The following ZNF391 variants were observed in gnomAD, a reference collection of about 807,000 sequenced individuals.
ZNF391 encodes zinc finger protein 391.
For synonymous variants in ZNF391, 126 were observed against 142.1 expected (o/e 0.89, Z 0.80); for missense variants, 375 against 425.5 (o/e 0.88, Z 1.04).
intron 1 of ZNF391, among the ~76,000 whole-genome samples, chr6:27,394,776 C>G (rs1761788880): frequency 6.6e-6 from 1 of 152,244 alleles, no homozygotes; most frequent in Non-Finnish European, 1.5e-5. Context: ...TGCAAAGCCA[C>G]AGAAGTGGAA....
At chr6:27,394,272 G>A (rs1201428333) in intron 1 of ZNF391, among the ~76,000 whole-genome samples, 1 of 152,230 alleles carries the variant, frequency 6.6e-6, no homozygotes, top group Non-Finnish European at 1.5e-5. Context: ...AAGGATTTCA[G>A]AGCCAGATCC....
intron 1 of ZNF391, among the ~76,000 whole-genome samples, chr6:27,381,581 A>C (rs1382909345): frequency 6.6e-6 from 1 of 152,186 alleles, no homozygotes; most frequent in Non-Finnish European, 1.5e-5. Context: ...GCCGAGAGCG[A>C]GCGAGGGCTG....
chr6:27,375,314 C>T (rs1761400010), intron 1 of ZNF391, among the ~76,000 whole-genome samples: 1 of 152,130 alleles, frequency 6.6e-6, no homozygotes, highest in Non-Finnish European at 1.5e-5. Flanking sequence ...GCGTGGCTAG[C>T]ACAGGCCTGA....
chr6:27,397,155 C>A (rs141776464), intron 1 of ZNF391, among the ~76,000 whole-genome samples: 3 of 152,198 alleles, frequency 2.0e-5, no homozygotes, highest in Admixed American at 2.0e-4. Context: ...GTTCTGCAGG[C>A]TGTGCAAGCA....
intron 1 of ZNF391, among the ~76,000 whole-genome samples, chr6:27,378,327 G>T (rs113032760): frequency 0.01 from 1,535 of 152,208 alleles, 31 homozygotes; most frequent in African/African-American, 0.035. Context: ...AATCACCTGG[G>T]TGCAGGTGGG....
Position 27,388,858 on chromosome 6 carries a change from A to T in ZNF391, c.-405A>T, listed in dbSNP as rs752915600. 5 of 453,214 alleles carry T rather than the reference A, an allele frequency of 1.1e-5. No individual in the cohort carries two copies. In the Admixed American group the frequency reaches 1.2e-4, roughly 11 times the overall value. 28.1% of individuals were successfully genotyped at this position (453,214 alleles called of 1,614,324 possible). The stretch of plus-strand genomic sequence containing the variant: ...GGTCCCGCATACCGAGCAGAGCATG[A>T]TCAGCAGCAGTCTGAGTGGAAGAGT... On this transcript the variant is annotated 5_prime_UTR_variant, in exon 1 of 3. Coordinates refer to ENST00000244576, the MANE Select transcript of ZNF391 (RefSeq NM_001076781.3).
chr6:27,379,051 G>A (rs1761459253), intron 1 of ZNF391, among the ~76,000 whole-genome samples: 1 of 152,140 alleles, frequency 6.6e-6, no homozygotes, highest in Non-Finnish European at 1.5e-5. Context: ...AACTGATTTT[G>A]CAAATGAAAA....
intron 1 of ZNF391, among the ~76,000 whole-genome samples, chr6:27,398,616 T>G (rs112332140): frequency 0.05 from 7,572 of 152,238 alleles, 479 homozygotes; most frequent in African/African-American, 0.15. Context: ...CCCAGCACTT[T>G]GGGAAGCTGG....
chr6:27,377,217 TTAATGAAA>T (rs1392802029), intron 1 of ZNF391, among the ~76,000 whole-genome samples: 1 of 152,188 alleles, frequency 6.6e-6, no homozygotes, highest in Non-Finnish European at 1.5e-5. Context: ...CTAGGCAAGA[TTAATGAAA>T]GACTAGTAGA....
At chr6:27,381,978 G>T (rs1440161679) in intron 1 of ZNF391, among the ~76,000 whole-genome samples, 1 of 148,890 alleles carries the variant, frequency 6.7e-6, no homozygotes, top group Non-Finnish European at 1.5e-5. Context: ...AGGTTGCAGC[G>T]AGCCGAGATC....
chr6:27,392,047 C>G (rs144565709), intron 1 of ZNF391, among the ~76,000 whole-genome samples: 2 of 152,276 alleles, frequency 1.3e-5, no homozygotes, highest in African/African-American at 4.8e-5. Context: ...AGCTTTGGAC[C>G]AATCAAGTCC....
At chr6:27,386,610 GTTGA>G (rs1457158660), upstream of ZNF391, among the ~76,000 whole-genome samples, 8 of 152,070 alleles carry the variant, frequency 5.3e-5, no homozygotes, top group Admixed American at 5.2e-4. Flanking sequence ...CACATATACG[GTTGA>G]TTGATTGATT....
Position 27,388,761 on chromosome 6 carries a change from T to C in ZNF391, c.-502T>C, listed in dbSNP as rs540280297. On this transcript the variant is annotated 5_prime_UTR_variant, in exon 1 of 3. Transcript: ENST00000244576. ...CTGCTGATACGTTGCTCAGTCTCAG[T>C]GTGGTCTCTGTTTTGCAACTGGTCG... 13 of 397,546 alleles carry C rather than the reference T, an allele frequency of 3.3e-5. No individual in the cohort carries two copies. The East Asian group carries it at 8.2e-4, about 25-fold the overall frequency. 24.6% of individuals were successfully genotyped at this position (397,546 alleles called of 1,614,324 possible).
In ZNF391 at chr6:27,401,232, C is replaced by T. The variant is rs754044850; in HGVS notation, c.862C>T (p.Arg288Ter). The part of the protein sequence containing the change: ...ECSECGKVFS[R>*]SSSLTEHQRI... ...CAGTGAATGTGGGAAAGTGTTCAGT[C>T]GAAGCTCGTCTCTTACAGAACATCA... The change falls in exon 3 of 3, where the codon CGA (arginine) becomes TGA (stop). Residue 288 changes from arginine (R) to a stop codon, truncating the protein, a stop_gained. Transcript: ENST00000244576. LOFTEE classifies it low-confidence loss of function (END_TRUNC). The T allele has an allele frequency of 5.6e-6, 9 of 1,613,942 alleles. No individual in the cohort carries two copies. Among genetic ancestry groups the T allele is most frequent in the African/African-American group, 1.3e-5 (1 of 74,898 alleles).
At chr6:27,387,225 G>A (rs1457686296), upstream of ZNF391, among the ~76,000 whole-genome samples, 1 of 152,186 alleles carries the variant, frequency 6.6e-6, no homozygotes, top group Non-Finnish European at 1.5e-5. Flanking sequence ...CAAAGATGTG[G>A]AGAACTAGAA....
intron 1 of ZNF391, among the ~76,000 whole-genome samples, chr6:27,389,797 T>C (rs1051020159): frequency 1.3e-5 from 2 of 151,332 alleles, no homozygotes; most frequent in African/African-American, 4.9e-5. Flanking sequence ...AGAGTGAAAC[T>C]CCGCGCCCCT....
In ZNF391 at chr6:27,389,021, G is replaced by T; in HGVS notation, c.-242G>T. The T allele has an allele frequency of 2.2e-6, 1 of 456,320 alleles. No individual in the cohort carries two copies. Among genetic ancestry groups the T allele is most frequent in the Non-Finnish European group, 4.4e-6 (1 of 226,822 alleles). 28.3% of individuals were successfully genotyped at this position (456,320 alleles called of 1,614,324 possible). A position where few individuals can be genotyped will look rare whatever the true frequency, so the allele number is the denominator to read the frequency against. ...GCGGGACCCGCCCGGGGTGTGTCGGGGGTACTCGGCCGGAGGCGGCCGGTG... is the reference window on the plus strand; with the variant it reads ...GCGGGACCCGCCCGGGGTGTGTCGGTGGTACTCGGCCGGAGGCGGCCGGTG... On this transcript the variant is annotated 5_prime_UTR_variant, in exon 1 of 3. Transcript: ENST00000244576.
At chr6:27,395,960 A>G (rs530689829) in intron 1 of ZNF391, among the ~76,000 whole-genome samples, 220 of 152,268 alleles carry the variant, frequency 1.4e-3, no homozygotes, top group African/African-American at 3.4e-3. Context: ...GTATTCTCAA[A>G]TCTTCAGAGA....
chr6:27,395,276 G>A (rs1312265802), intron 1 of ZNF391, among the ~76,000 whole-genome samples: 1 of 152,150 alleles, frequency 6.6e-6, no homozygotes, highest in African/African-American at 2.4e-5. Context: ...GAGGTGATTG[G>A]ATGGTGGAGG....
Sources: gnomAD v4.1 joint callset for allele counts (sites outside exome capture counted in the v4.1 genomes callset) on GRCh38, gnomAD v4.1.1 for gene constraint, MANE v1.5 for transcripts, NCBI Gene and HGNC (gene_info 2026-07-23, HGNC 2026-07-21) for gene names.